MCCC2: variants seen among roughly 807,000 people sequenced by gnomAD.
The protein encoded by MCCC2 is methylcrotonoyl-CoA carboxylase beta chain, mitochondrial.
A neutral mutation model predicts 77.2 loss-of-function variants in MCCC2; 52 were observed. That is an observed-to-expected ratio of 0.67 (90% CI 0.54 to 0.85). The LOEUF is 0.85. MCCC2 is among the 40% of genes least tolerant of loss of function. The probability of loss-of-function intolerance (pLI) is 0.00; values close to 1 mark genes in which losing one functional copy is unlikely to be tolerated. For missense variants in MCCC2, 682 were observed against 703.2 expected (o/e 0.97, Z 0.34); for synonymous variants, 253 against 248.4 (o/e 1.02, Z -0.18).
chr5:71,655,294 A>G (rs1747549115), intron 16 of MCCC2, among the ~76,000 whole-genome samples: 1 of 152,234 alleles, frequency 6.6e-6, no homozygotes, highest in Non-Finnish European at 1.5e-5. Flanking sequence ...CTTAGGTTTG[A>G]ACATGGCTAG....
At chr5:71,635,458 CAATGATTGGA>C in intron 10 of MCCC2, 1 of 626,392 alleles carries the variant, frequency 1.6e-6, no homozygotes, top group Admixed American at 2.2e-5. Context: ...TGGGGGACCT[CAATGATTGGA>C]AAGTTTTCAT....
rs866955568 is a variant in MCCC2 at position 71,587,412 on chromosome 5, C to A, written c.-14C>A. ...GGCCAGCGTGGGCCGCTCTCTCGCT[C>A]GGTGCCCGCCGCCATGTGGGCCGTC... is the stretch of plus-strand genomic sequence containing the variant. On this transcript the variant is annotated 5_prime_UTR_variant, in exon 1 of 17. Transcript: ENST00000340941. The A allele has an allele frequency of 3.3e-6, 5 of 1,533,162 alleles. No homozygotes were observed. The highest frequency in any genetic ancestry group is 4.4e-6 in the Non-Finnish European group (5 of 1,145,792). 95.0% of individuals were successfully genotyped at this position (1,533,162 alleles called of 1,614,324 possible).
At chr5:71,617,842 A>G (rs1171460552) in intron 6 of MCCC2, among the ~76,000 whole-genome samples, 1 of 152,198 alleles carries the variant, frequency 6.6e-6, no homozygotes, top group Non-Finnish European at 1.5e-5. Context: ...TCATACCCGT[A>G]TCGTTTTCTG....
At chr5:71,622,359 G>T (rs1026496121) in intron 6 of MCCC2, among the ~76,000 whole-genome samples, 5 of 151,472 alleles carry the variant, frequency 3.3e-5, no homozygotes, top group African/African-American at 1.2e-4. Context: ...ACAAGATTTT[G>T]CCTGTTAGAT....
intron 10 of MCCC2, among the ~76,000 whole-genome samples, chr5:71,638,818 G>A (rs758395826): frequency 3.9e-5 from 6 of 152,154 alleles, no homozygotes; most frequent in Non-Finnish European, 8.8e-5. Context: ...ACCACGCCCG[G>A]CCCAGGAAAT....
chr5:71,614,773 T>C (rs1451840932), intron 6 of MCCC2, among the ~76,000 whole-genome samples: 1 of 152,052 alleles, frequency 6.6e-6, no homozygotes, highest in East Asian at 1.9e-4. Context: ...TATGAGCCAC[T>C]GTGCCCAGCC....
At chr5:71,620,620 T>C (rs1270811049) in intron 6 of MCCC2, among the ~76,000 whole-genome samples, 1 of 152,166 alleles carries the variant, frequency 6.6e-6, no homozygotes, top group East Asian at 1.9e-4. Context: ...TAATTTGCTT[T>C]TGGTGCAAGG....
At chr5:71,603,429 A>T (rs1012290701) in intron 5 of MCCC2, among the ~76,000 whole-genome samples, 15 of 151,286 alleles carry the variant, frequency 9.9e-5, no homozygotes, top group African/African-American at 3.7e-4. Context: ...AAAAAAAAAA[A>T]AAAAAAAAAA....
intron 10 of MCCC2, among the ~76,000 whole-genome samples, chr5:71,637,060 T>A (rs529411635): frequency 1.5e-3 from 235 of 152,052 alleles, no homozygotes; most frequent in Non-Finnish European, 2.6e-3. Flanking sequence ...TACATTCTTT[T>A]AAAAAAAATG....
At chr5:71,652,075 A>T (rs1347451428) in intron 15 of MCCC2, among the ~76,000 whole-genome samples, 1 of 152,184 alleles carries the variant, frequency 6.6e-6, no homozygotes, top group Non-Finnish European at 1.5e-5. Context: ...TTTTGAGTTG[A>T]AAGTATTTTT....
At chr5:71,609,935 C>A (rs1745856059) in intron 6 of MCCC2, among the ~76,000 whole-genome samples, 1 of 152,034 alleles carries the variant, frequency 6.6e-6, no homozygotes, top group Admixed American at 6.5e-5. Context: ...TCTCAGATCT[C>A]CAGCTGTGTG....
chr5:71,594,060 C>T (rs1385578602), intron 2 of MCCC2, among the ~76,000 whole-genome samples: 1 of 152,140 alleles, frequency 6.6e-6, no homozygotes, highest in Non-Finnish European at 1.5e-5. Context: ...TGCCCCTGTA[C>T]GCAGCTATGG....
chr5:71,644,056 T>C (rs1012132190), intron 12 of MCCC2, among the ~76,000 whole-genome samples, 161 bp downstream of exon 12: 1 of 147,454 alleles, frequency 6.8e-6, no homozygotes, highest in African/African-American at 2.6e-5. Flanking sequence ...TGTGTGTGTG[T>C]GTGTGTGTGT....
chr5:71,592,859 T>A (rs1580268863), intron 1 of MCCC2, 67 bp from the exon 2 acceptor site: 4 of 1,143,674 alleles, frequency 3.5e-6, no homozygotes, highest in Non-Finnish European at 5.2e-6. Context: ...TTTTTTGACC[T>A]TTATTTTGGT....
intron 16 of MCCC2, among the ~76,000 whole-genome samples, chr5:71,654,719 C>T (rs756153595): frequency 4.0e-5 from 6 of 151,856 alleles, no homozygotes; most frequent in Non-Finnish European, 8.8e-5. Context: ...TATTTTCATA[C>T]TAACATTATT....
At chr5:71,650,440 A>G (rs1210830634) in intron 15 of MCCC2, among the ~76,000 whole-genome samples, 1 of 152,254 alleles carries the variant, frequency 6.6e-6, no homozygotes, top group East Asian at 1.9e-4. Flanking sequence ...AATTTCCAAG[A>G]AAACACTTTT....
intron 7 of MCCC2, among the ~76,000 whole-genome samples, chr5:71,628,852 C>T (rs747790805): frequency 6.3e-4 from 96 of 151,992 alleles, no homozygotes; most frequent in African/African-American, 2.2e-3. Context: ...AGAAAAGATA[C>T]GAAAATACTG....
Position 71,632,175 on chromosome 5 carries a change from C to G in MCCC2, c.793C>G (p.Leu265Val), listed in dbSNP as rs767223395. 6.2e-7 allele frequency: 1 copy of G among 1,614,030 alleles called. No homozygotes were observed. The highest frequency in any genetic ancestry group is 2.2e-5 in the East Asian group (1 of 44,872). The change falls in exon 8 of 17, where the codon CTT becomes GTT. Residue 265 changes from leucine (L) to valine (V), a missense_variant. Leu to Val is a conservative substitution (Grantham distance 32). Transcript: ENST00000340941. The stretch of plus-strand genomic sequence containing the variant: ...TGCTGAGGATCTTGGAGGTGCTGAT[C>G]TTCATTGCAGGTGAAACAGAAATGG... Reference protein sequence around the residue: ...VSAEDLGGADLHCRKSGVSDH... With the variant: ...VSAEDLGGADVHCRKSGVSDH...
At chr5:71,592,893 T>G in intron 1 of MCCC2, 33 bp from the exon 2 acceptor site, 1 of 1,484,442 alleles carries the variant, frequency 6.7e-7, no homozygotes, top group Non-Finnish European at 9.4e-7. Context: ...TTTCTAATAT[T>G]TCTCTCCCCT....
Sources: allele counts gnomAD v4.1 joint callset (sites outside exome capture counted in the v4.1 genomes callset), GRCh38; gene constraint gnomAD v4.1.1; transcripts MANE v1.5; gene names NCBI Gene and HGNC (gene_info 2026-07-23, HGNC 2026-07-21).